XKR6: variants seen among roughly 807,000 people sequenced by gnomAD.
XKR6 encodes the protein XK-related protein 6.
XKR6 carries 22 observed loss-of-function variants against 56.7 expected under a neutral mutation model. That is an observed-to-expected ratio of 0.39 (90% CI 0.28 to 0.55). The LOEUF (loss-of-function observed/expected upper bound fraction) is 0.55. XKR6 is among the 20% of genes least tolerant of loss of function. XKR6 has a pLI of 0.66. For missense variants in XKR6, 852 were observed against 889.0 expected (o/e 0.96, Z 0.53); for synonymous variants, 524 against 387.8 (o/e 1.35, Z -4.13).
intron 1 of XKR6, among the ~76,000 whole-genome samples, chr8:11,059,873 C>T (rs926909319): frequency 3.9e-5 from 6 of 152,198 alleles, no homozygotes; most frequent in Admixed American, 1.3e-4. Context: ...CAGGGTGGCA[C>T]CTAAAAAACA....
chr8:11,183,468 C>T (rs1272015774), intron 1 of XKR6, among the ~76,000 whole-genome samples: 2 of 151,660 alleles, frequency 1.3e-5, no homozygotes, highest in Non-Finnish European at 2.9e-5. Flanking sequence ...TGCGCCACCA[C>T]ACCTGTCTAG....
chr8:11,171,708 T>C (rs546257291), intron 1 of XKR6, among the ~76,000 whole-genome samples: 1 of 152,292 alleles, frequency 6.6e-6, no homozygotes, highest in South Asian at 2.1e-4. Flanking sequence ...GCCGTGCTTC[T>C]TGTACAACCT....
At position 10,898,273 on chromosome 8, in the gene XKR6, C is replaced by T; in HGVS notation, c.1605G>A (p.Gly535=). The T allele has an allele frequency of 1.2e-6, 2 of 1,614,058 alleles. No homozygotes were observed. The highest frequency in any genetic ancestry group is 3.3e-5 in the Admixed American group (2 of 60,018). Residue 535 remains glycine (G), a synonymous_variant, in exon 3 of 3, where the codon GGG becomes GGA. Coordinates refer to ENST00000416569, the MANE Select transcript of XKR6 (RefSeq NM_173683.4). The surrounding 1 kb of genome is among the most constrained non-coding windows in gnomAD (Gnocchi z 6.6). ...DVEPMAPEIP[G]YRGTQVTPTR... ...TGGGCGTAACCTGGGTCCCCCGGTA[C>T]CCAGGGATCTCAGGCGCCATGGGCT...
intron 1 of XKR6, among the ~76,000 whole-genome samples, chr8:11,054,744 G>A (rs530423956): frequency 1.3e-5 from 2 of 152,300 alleles, no homozygotes; most frequent in Middle Eastern, 3.4e-3. Context: ...GTGGGTGGAC[G>A]GGGTGTGATA....
In XKR6 at chr8:10,896,483, A is replaced by C. The variant is rs1799885548; in HGVS notation, c.*1469T>G. 6.6e-6 allele frequency: 1 copy of C among 152,610 alleles called. No individual in the cohort carries two copies. Among genetic ancestry groups the C allele is most frequent in the South Asian group, 2.1e-4 (1 of 4,832 alleles). The allele number at this position is 152,610 out of a possible 1,614,324, so 9.5% of individuals were successfully genotyped here. The stretch of plus-strand genomic sequence containing the variant: ...AAGCCGTGATCCAAGTTCGTCTTAC[A>C]TCAGTTTTGTATATCTCTGGCAAGA... On this transcript the variant is annotated 3_prime_UTR_variant, in exon 3 of 3. Coordinates refer to ENST00000416569, the MANE Select transcript of XKR6 (RefSeq NM_173683.4).
At chr8:10,996,381 T>C (rs1308011318) in intron 1 of XKR6, among the ~76,000 whole-genome samples, 1 of 152,240 alleles carries the variant, frequency 6.6e-6, no homozygotes, top group African/African-American at 2.4e-5. Flanking sequence ...CCAGGTAATT[T>C]GAGGGAAAGC....
intron 1 of XKR6, among the ~76,000 whole-genome samples, chr8:10,929,344 T>G (rs182739360): frequency 6.6e-6 from 1 of 152,368 alleles, no homozygotes; most frequent in African/African-American, 2.4e-5. Context: ...CAGTATTACC[T>G]ACCAATATTC....
At chr8:10,997,844 G>A (rs986497448) in intron 1 of XKR6, among the ~76,000 whole-genome samples, 2 of 152,190 alleles carry the variant, frequency 1.3e-5, no homozygotes, top group African/African-American at 4.8e-5. Context: ...CTGTGGACTA[G>A]AATGTCAGGC....
chr8:11,185,582 C>A (rs1803232136), intron 1 of XKR6, among the ~76,000 whole-genome samples: 1 of 152,272 alleles, frequency 6.6e-6, no homozygotes, highest in Non-Finnish European at 1.5e-5. Context: ...TCAGTAGTCA[C>A]TTTTAGGGAT....
intron 1 of XKR6, among the ~76,000 whole-genome samples, chr8:11,073,292 T>C (rs992178554): frequency 6.6e-6 from 1 of 152,184 alleles, no homozygotes; most frequent in East Asian, 1.9e-4. Flanking sequence ...GAGACCGCAC[T>C]TAAGCAAACA....
chr8:11,150,969 C>A (rs73198953), intron 1 of XKR6, among the ~76,000 whole-genome samples: 5 of 151,682 alleles, frequency 3.3e-5, no homozygotes, highest in Non-Finnish European at 5.9e-5. Context: ...ACTTTATTCA[C>A]TGAATGCTAT....
chr8:11,039,698 C>T (rs1586464823), intron 1 of XKR6, among the ~76,000 whole-genome samples: 1 of 152,238 alleles, frequency 6.6e-6, no homozygotes, highest in East Asian at 1.9e-4. Context: ...CCACCAATTC[C>T]CATCTGTACT....
intron 1 of XKR6, among the ~76,000 whole-genome samples, chr8:11,112,112 C>T (rs1380246092): frequency 2.0e-5 from 3 of 152,172 alleles, no homozygotes; most frequent in Non-Finnish European, 2.9e-5. Context: ...ACACCACCTA[C>T]TTAATTATAG....
intron 1 of XKR6, among the ~76,000 whole-genome samples, chr8:11,153,289 A>G (rs1586623215): frequency 6.6e-6 from 1 of 152,218 alleles, no homozygotes; most frequent in Non-Finnish European, 1.5e-5. Flanking sequence ...GAAGGAACTA[A>G]GGACTCTGTT....
chr8:11,074,198 G>C (rs142300838), intron 1 of XKR6, among the ~76,000 whole-genome samples: 3 of 152,216 alleles, frequency 2.0e-5, no homozygotes, highest in Non-Finnish European at 4.4e-5. Context: ...GGGCTGCTCT[G>C]TCTGCTCCAG....
rs867445679 is a variant in XKR6 at position 10,897,758 on chromosome 8, T to C, written c.*194A>G. 3.4e-6 allele frequency: 2 copies of C among 593,174 alleles called. No individual in the cohort carries two copies. Among genetic ancestry groups the C allele is most frequent in the Non-Finnish European group, 5.4e-6 (2 of 372,638 alleles). 36.7% of individuals were successfully genotyped at this position (593,174 alleles called of 1,614,324 possible). On this transcript the variant is annotated 3_prime_UTR_variant, in exon 3 of 3. Transcript: ENST00000416569. The stretch of plus-strand genomic sequence containing the variant: ...AATATCTTTGTATACATACAGCGAC[T>C]GGAAAGAAAGCTTATTTGAAGGGGT...
intron 2 of XKR6, among the ~76,000 whole-genome samples, chr8:10,909,374 G>A (rs528494053): frequency 6.6e-6 from 1 of 152,290 alleles, no homozygotes; most frequent in African/African-American, 2.4e-5. Flanking sequence ...AATGGACTAA[G>A]ATACCCCTCA....
intron 1 of XKR6, among the ~76,000 whole-genome samples, chr8:11,086,150 T>TATATATATATATATATATATATATATA (rs1439777662): frequency 3.5e-5 from 4 of 112,742 alleles, no homozygotes; most frequent in African/African-American, 1.7e-4. Context: ...ATATATATAT[T>TATATATATATATATATATATATATATA]TTTTTTTAAA....
At chr8:11,159,309 TTAAG>T (rs1268968981) in intron 1 of XKR6, among the ~76,000 whole-genome samples, 2 of 152,260 alleles carry the variant, frequency 1.3e-5, no homozygotes, top group East Asian at 1.9e-4. Context: ...TGCATATAAT[TTAAG>T]TAAGTCATTC....
Sources: allele counts gnomAD v4.1 joint callset (sites outside exome capture counted in the v4.1 genomes callset), GRCh38; gene constraint gnomAD v4.1.1; non-coding constraint Gnocchi (gnomAD v3.1); transcripts MANE v1.5; gene names NCBI Gene and HGNC (gene_info 2026-07-23, HGNC 2026-07-21).